The following SHANK2 variants were observed in gnomAD, a reference collection of about 807,000 sequenced individuals.
SHANK2 encodes the protein SH3 and multiple ankyrin repeat domains 2, also known as SH3 and multiple ankyrin repeat domains protein 2.
Under a neutral mutation model 133.7 loss-of-function variants are expected in SHANK2, and 43 were observed. That is an observed-to-expected ratio of 0.32 (90% CI 0.25 to 0.41). SHANK2 has a LOEUF of 0.41. Ranked by LOEUF, SHANK2 falls within the 10% of genes least tolerant of loss-of-function variation. The pLI is 1.00. For synonymous variants in SHANK2, 1,017 were observed against 952.8 expected (o/e 1.07, Z -1.24); for missense variants, 1,994 against 2,235.8 (o/e 0.89, Z 2.18).
intron 17 of SHANK2, among the ~76,000 whole-genome samples, chr11:70,627,208 G>T (rs1555000253): frequency 6.6e-6 from 1 of 152,174 alleles, no homozygotes; most frequent in East Asian, 1.9e-4. Context: ...AGGGCTGCAG[G>T]TCTCCACCCT....
chr11:70,906,457 T>G (rs1950105528), intron 10 of SHANK2, among the ~76,000 whole-genome samples: 1 of 152,032 alleles, frequency 6.6e-6, no homozygotes, highest in South Asian at 2.1e-4. Context: ...GCTCCTGGGA[T>G]CCACAGCCAG....
intron 17 of SHANK2, among the ~76,000 whole-genome samples, chr11:70,625,661 G>A (rs1443376112): frequency 2.0e-5 from 3 of 151,918 alleles, no homozygotes; most frequent in African/African-American, 7.3e-5. Context: ...CAGGCTCTGA[G>A]CAGTGGAGGA....
At chr11:70,644,931 C>A (rs1316662022) in intron 17 of SHANK2, among the ~76,000 whole-genome samples, 1 of 152,192 alleles carries the variant, frequency 6.6e-6, no homozygotes, top group African/African-American at 2.4e-5. Context: ...ATCAAAAGAT[C>A]TCGTCAAAGG....
At chr11:70,612,838 T>C (rs534365267) in intron 17 of SHANK2, among the ~76,000 whole-genome samples, 18 of 152,238 alleles carry the variant, frequency 1.2e-4, no homozygotes, top group African/African-American at 4.3e-4. Context: ...TCAGACTCTA[T>C]GTATTCCTCT....
intron 14 of SHANK2, among the ~76,000 whole-genome samples, chr11:70,753,733 C>T (rs1194717260): frequency 6.6e-6 from 1 of 152,050 alleles, no homozygotes; most frequent in Non-Finnish European, 1.5e-5. Context: ...GTAAAATAAA[C>T]TAATTCTCTA....
chr11:71,190,380 C>T (rs113231707), intron 2 of SHANK2, among the ~76,000 whole-genome samples: 1 of 152,186 alleles, frequency 6.6e-6, no homozygotes, highest in Admixed American at 6.5e-5. Context: ...AAGTACTTAG[C>T]AAGGGGACAG....
intron 14 of SHANK2, among the ~76,000 whole-genome samples, chr11:70,701,407 T>A (rs573781498): frequency 1.3e-5 from 2 of 152,002 alleles, no homozygotes; most frequent in African/African-American, 4.8e-5. Flanking sequence ...AAAGGAATCT[T>A]TTTTTTTCTT....
At chr11:71,130,627 T>C (rs1306563887) in intron 3 of SHANK2, among the ~76,000 whole-genome samples, 1 of 152,144 alleles carries the variant, frequency 6.6e-6, no homozygotes, top group African/African-American at 2.4e-5. Context: ...GAGGCTTGGA[T>C]TACACAGATG....
At chr11:71,192,717 T>C (rs1390250952) in intron 2 of SHANK2, among the ~76,000 whole-genome samples, 8 of 152,236 alleles carry the variant, frequency 5.3e-5, no homozygotes, top group African/African-American at 1.9e-4. Flanking sequence ...TACTGGAATA[T>C]TCACTTACAA....
At chr11:70,529,577 C>T (rs930461423) in intron 17 of SHANK2, among the ~76,000 whole-genome samples, 3 of 152,208 alleles carry the variant, frequency 2.0e-5, no homozygotes, top group African/African-American at 4.8e-5. Context: ...TACACGTGGC[C>T]TAACACTGAC....
intron 3 of SHANK2, among the ~76,000 whole-genome samples, chr11:71,145,888 C>T (rs1349239157): frequency 1.7e-4 from 26 of 152,202 alleles, no homozygotes; most frequent in Admixed American, 9.2e-4. Context: ...CCCACCTCTC[C>T]CCATTCCTTT....
intron 11 of SHANK2, among the ~76,000 whole-genome samples, chr11:70,878,869 A>G (rs1458439536): frequency 6.6e-6 from 1 of 152,214 alleles, no homozygotes; most frequent in African/African-American, 2.4e-5. Context: ...GTCTAAGGCC[A>G]GGAATGAGGC....
intron 14 of SHANK2, among the ~76,000 whole-genome samples, chr11:70,783,230 C>T (rs192727704): frequency 1.3e-5 from 2 of 152,128 alleles, no homozygotes; most frequent in African/African-American, 4.8e-5. Context: ...GAAGCCTGGA[C>T]TGACAATGAG....
chr11:71,172,188 C>T (rs1953327528), intron 2 of SHANK2, among the ~76,000 whole-genome samples: 1 of 152,212 alleles, frequency 6.6e-6, no homozygotes, highest in African/African-American at 2.4e-5. Context: ...GCCCTCAAAA[C>T]ATGCCACCGT....
chr11:70,738,061 G>A (rs1016859592), intron 14 of SHANK2, among the ~76,000 whole-genome samples: 10 of 152,362 alleles, frequency 6.6e-5, no homozygotes, highest in East Asian at 1.9e-4. Flanking sequence ...GACAAAGCCC[G>A]CAAGACGGTG....
intron 14 of SHANK2, among the ~76,000 whole-genome samples, chr11:70,767,372 G>A (rs1460976321): frequency 1.3e-5 from 2 of 152,138 alleles, no homozygotes; most frequent in African/African-American, 4.8e-5. Context: ...AGAAAAAGAA[G>A]GAAAAACAGG....
intron 1 of SHANK2, among the ~76,000 whole-genome samples, chr11:71,238,343 T>C (rs1402208474): frequency 1.3e-5 from 2 of 152,196 alleles, no homozygotes; most frequent in African/African-American, 2.4e-5. Flanking sequence ...GTAAGAACAG[T>C]TGGCGGTACG....
At chr11:70,701,192 G>T (rs1555023555) in intron 14 of SHANK2, among the ~76,000 whole-genome samples, 10 of 151,684 alleles carry the variant, frequency 6.6e-5, no homozygotes. Flanking sequence ...GTATTTACCA[G>T]AAAAAAAGAC....
At chr11:70,945,029 C>T (rs906620581) in intron 10 of SHANK2, among the ~76,000 whole-genome samples, 13 of 152,118 alleles carry the variant, frequency 8.5e-5, no homozygotes, top group African/African-American at 1.4e-4. Context: ...GGTTTCTGCC[C>T]GGACTATTTA....
Sources: allele counts gnomAD v4.1 joint callset (sites outside exome capture counted in the v4.1 genomes callset), GRCh38; gene constraint gnomAD v4.1.1; transcripts MANE v1.5; gene names NCBI Gene and HGNC (gene_info 2026-07-23, HGNC 2026-07-21).